Variants in LARGE1 observed in about 807,000 individuals in gnomAD.
The protein encoded by LARGE1 is xylosyl- and glucuronyltransferase LARGE1.
Under a neutral mutation model 87.6 loss-of-function variants are expected in LARGE1, and 43 were observed. The observed-to-expected ratio is 0.49, with a 90% confidence interval of 0.38 to 0.63. The LOEUF is 0.63. Among genes scored for constraint, LARGE1 ranks in the 30% least tolerant of loss-of-function variants. LARGE1 has a pLI of 0.00. For synonymous variants in LARGE1, 434 were observed against 394.6 expected, an observed-to-expected ratio of 1.10 and a Z score of -1.18; for missense variants, 802 against 1,000.2, an observed-to-expected ratio of 0.80 and a Z score of 2.67.
upstream of LARGE1, among the ~76,000 whole-genome samples, chr22:33,921,037 G>A (rs1162189093): frequency 2.0e-5 from 3 of 149,982 alleles, no homozygotes; most frequent in African/African-American, 4.9e-5. The surrounding 1 kb of genome is among the most constrained non-coding windows in gnomAD (Gnocchi z 4.1). Context: ...CTGTGCAGCC[G>A]GGGGGGACCG....
chr22:33,337,621 C>A (rs773744682), intron 10 of LARGE1, 25 bp downstream of exon 10: 1 of 1,613,848 alleles, frequency 6.2e-7, no homozygotes, highest in Non-Finnish European at 8.5e-7. Flanking sequence ...CGCCCCTTCC[C>A]TGCCCAGCCT....
intron 11 of LARGE1, among the ~76,000 whole-genome samples, chr22:33,235,897 A>G (rs1193397126): frequency 2.0e-5 from 3 of 152,178 alleles, no homozygotes; most frequent in African/African-American, 7.2e-5. Context: ...TTTATTTTAT[A>G]GGTTCTTTGC....
chr22:33,536,741 C>T (rs563198163), intron 6 of LARGE1, among the ~76,000 whole-genome samples: 2 of 152,326 alleles, frequency 1.3e-5, no homozygotes, highest in African/African-American at 2.4e-5. Context: ...CATCTATCCC[C>T]GTTTTCACAC....
intron 1 of LARGE1, among the ~76,000 whole-genome samples, chr22:33,913,433 A>T (rs1007167403): frequency 6.6e-6 from 1 of 152,230 alleles, no homozygotes; most frequent in African/African-American, 2.4e-5. Flanking sequence ...AGCGGTAATG[A>T]CAGTTTACAT....
chr22:33,568,551 G>A (rs1297899023), intron 5 of LARGE1, among the ~76,000 whole-genome samples: 2 of 152,186 alleles, frequency 1.3e-5, no homozygotes, highest in South Asian at 2.1e-4. Flanking sequence ...CGGATCCCCT[G>A]AGGTTGGGAG....
At chr22:33,755,424 T>C (rs1276041343) in intron 2 of LARGE1, among the ~76,000 whole-genome samples, 1 of 152,194 alleles carries the variant, frequency 6.6e-6, no homozygotes, top group African/African-American at 2.4e-5. Flanking sequence ...GAGGGCAGCA[T>C]GTGTGAAGAG....
chr22:33,880,899 C>T (rs2064660431), intron 1 of LARGE1, among the ~76,000 whole-genome samples: 2 of 152,060 alleles, frequency 1.3e-5, no homozygotes, highest in Non-Finnish European at 2.9e-5. Context: ...TTATTTTATA[C>T]GTGAATGTAC....
intron 11 of LARGE1, among the ~76,000 whole-genome samples, chr22:33,224,861 A>G (rs1925653687): frequency 1.3e-5 from 2 of 152,270 alleles, no homozygotes; most frequent in South Asian, 2.1e-4. Flanking sequence ...CCTGTCAGCC[A>G]GAGGAACTGA....
At position 33,650,643 on chromosome 22, in the gene LARGE1, C is replaced by T. The variant is rs770267233; in HGVS notation, c.132G>A (p.Pro44=). The part of the protein sequence containing the change: ...FEDGKPVSLS[P]LESQAHSPRY... Reference sequence around the variant, plus strand: ...TGGGGCTGTGTGCCTGGGACTCCAGCGGTGACAGAGACACGGGCTTTCCAT... The same window carrying T: ...TGGGGCTGTGTGCCTGGGACTCCAGTGGTGACAGAGACACGGGCTTTCCAT... The change falls in exon 3 of 15, where the codon CCG becomes CCA. Residue 44 remains proline (P), a synonymous_variant. Transcript: ENST00000397394. 12 of 1,602,088 alleles carry T rather than the reference C, an allele frequency of 7.5e-6. No homozygotes were observed. Among genetic ancestry groups the T allele is most frequent in the South Asian group, 4.4e-5 (4 of 91,038 alleles).
chr22:33,459,130 C>T (rs1054320888), intron 6 of LARGE1, among the ~76,000 whole-genome samples: 9 of 152,128 alleles, frequency 5.9e-5, no homozygotes, highest in Non-Finnish European at 1.3e-4. Flanking sequence ...CCCATCACCC[C>T]TCGGCCCCCA....
intron 11 of LARGE1, among the ~76,000 whole-genome samples, chr22:33,311,889 C>T (rs5998868): frequency 2.6e-5 from 4 of 152,110 alleles, no homozygotes; most frequent in Non-Finnish European, 4.4e-5. Flanking sequence ...AAGGAGGAAA[C>T]GGAAACCCAA....
intron 2 of LARGE1, among the ~76,000 whole-genome samples, chr22:33,748,139 T>G (rs1335084941): frequency 8.0e-5 from 12 of 150,126 alleles, no homozygotes; most frequent in African/African-American, 2.7e-4. Flanking sequence ...AGGTTTGTTT[T>G]TTTTTTTTTT....
At chr22:33,134,308 G>C in the LARGE1 span, among the ~76,000 whole-genome samples, 1 of 137,276 alleles carries the variant, frequency 7.3e-6, no homozygotes, top group African/African-American at 2.8e-5. Flanking sequence ...GCCCAGGCTT[G>C]AGTGCAGTGG....
intron 5 of LARGE1, among the ~76,000 whole-genome samples, chr22:33,592,864 G>A (rs1004087365): frequency 0.028 from 5 of 178 alleles, no homozygotes; most frequent in Non-Finnish European, 0.056. Context: ...TTTTTGAGAC[G>A]GAGCTTGCTC....
At chr22:33,414,814 A>G (rs1197203839) in intron 7 of LARGE1, among the ~76,000 whole-genome samples, 8 of 152,050 alleles carry the variant, frequency 5.3e-5, no homozygotes, top group African/African-American at 1.9e-4. Context: ...TATAAAAGAG[A>G]CCCCAGAGAG....
chr22:33,702,237 A>G (rs1011192854), intron 2 of LARGE1, among the ~76,000 whole-genome samples: 16 of 152,178 alleles, frequency 1.1e-4, no homozygotes, highest in South Asian at 6.2e-4. Flanking sequence ...TAGGCATTCA[A>G]TATGCATTTG....
chr22:33,155,797 C>CAAA, the LARGE1 span, among the ~76,000 whole-genome samples: 2 of 152,150 alleles, frequency 1.3e-5, no homozygotes, highest in Admixed American at 1.3e-4. Flanking sequence ...GGCAGACCCT[C>CAAA]CCATCAAGGG....
At chr22:33,846,294 C>A (rs1163358474) in intron 1 of LARGE1, among the ~76,000 whole-genome samples, 3 of 152,212 alleles carry the variant, frequency 2.0e-5, no homozygotes, top group Non-Finnish European at 4.4e-5. Context: ...GTCTTTACTG[C>A]AATCTCTAAA....
intron 5 of LARGE1, among the ~76,000 whole-genome samples, chr22:33,566,157 A>G (rs1041364339): frequency 6.6e-6 from 1 of 152,194 alleles, no homozygotes; most frequent in East Asian, 1.9e-4. Flanking sequence ...TAGACACCAA[A>G]GTTTTATTCC....
Sources: gnomAD v4.1 joint callset for allele counts (sites outside exome capture counted in the v4.1 genomes callset) on GRCh38, gnomAD v4.1.1 for gene constraint, Gnocchi (gnomAD v3.1) non-coding constraint, MANE v1.5 for transcripts, NCBI Gene and HGNC (gene_info 2026-07-23, HGNC 2026-07-21) for gene names.